The following CYRIA variants were observed in gnomAD, a reference collection of about 807,000 sequenced individuals.
The protein encoded by CYRIA is CYFIP-related Rac1 interactor A.
Under a neutral mutation model 43.9 loss-of-function variants are expected in CYRIA, and 15 were observed. The ratio of observed to expected loss-of-function variants is 0.34; its 90% CI spans 0.23 to 0.53. The LOEUF is 0.53. Among genes scored for constraint, CYRIA ranks in the 20% least tolerant of loss-of-function variants. The pLI is 0.94. For synonymous variants in CYRIA, 117 were observed against 136.0 expected (o/e 0.86, Z 0.97); for missense variants, 236 against 394.2 (o/e 0.60, Z 3.40).
intron 1 of CYRIA, among the ~76,000 whole-genome samples, chr2:16,655,662 C>T (rs1376538605): frequency 1.3e-5 from 2 of 152,198 alleles, no homozygotes; most frequent in African/African-American, 4.8e-5. Context: ...CACGCAGGGG[C>T]TCAGACAGCT....
chr2:16,652,401 A>G (rs1669999337), intron 1 of CYRIA, among the ~76,000 whole-genome samples: 1 of 152,192 alleles, frequency 6.6e-6, no homozygotes, highest in Non-Finnish European at 1.5e-5. Flanking sequence ...CCTGAGCCTC[A>G]CTGGGGCCAA....
intron 1 of CYRIA, among the ~76,000 whole-genome samples, chr2:16,654,546 T>G (rs1239117671): frequency 6.6e-6 from 1 of 152,200 alleles, no homozygotes; most frequent in Non-Finnish European, 1.5e-5. Flanking sequence ...CTGTGTGGTA[T>G]GGAAACGTGT....
chr2:16,608,665 CTAAG>C (rs10538577), intron 2 of CYRIA, among the ~76,000 whole-genome samples: 39,906 of 151,896 alleles, frequency 0.26, 5,629 homozygotes, highest in African/African-American at 0.35. Context: ...AGTATTGTTA[CTAAG>C]TAAGTAAGAT....
chr2:16,564,303 T>G (rs1572459960), intron 4 of CYRIA, among the ~76,000 whole-genome samples: 2 of 152,222 alleles, frequency 1.3e-5, no homozygotes, highest in African/African-American at 4.8e-5. Context: ...GCTCTACAAT[T>G]ACATCCTGTG....
intron 1 of CYRIA, among the ~76,000 whole-genome samples, chr2:16,630,002 C>T (rs1020061838): frequency 1.3e-5 from 2 of 152,178 alleles, no homozygotes; most frequent in Admixed American, 6.5e-5. Context: ...GTGGCCGTGG[C>T]TCAGGCAGTC....
At chr2:16,583,964 T>C (rs920672461) in intron 3 of CYRIA, among the ~76,000 whole-genome samples, 1 of 152,204 alleles carries the variant, frequency 6.6e-6, no homozygotes, top group African/African-American at 2.4e-5. Context: ...CTTAATTATA[T>C]CTGTCTGACC....
chr2:16,605,049 G>T (rs1221314095), intron 2 of CYRIA, among the ~76,000 whole-genome samples: 1 of 152,058 alleles, frequency 6.6e-6, no homozygotes. Flanking sequence ...ATACCATGGT[G>T]TCCCTCAAAA....
chr2:16,586,936 T>C (rs1214426390), intron 3 of CYRIA, among the ~76,000 whole-genome samples: 1 of 152,128 alleles, frequency 6.6e-6, no homozygotes, highest in Non-Finnish European at 1.5e-5. Flanking sequence ...GGAAGAAACA[T>C]GAGCTTAGTT....
chr2:16,561,707 T>C (rs748668698), intron 6 of CYRIA, among the ~76,000 whole-genome samples, 174 bp from the exon 7 acceptor site: 1 of 152,204 alleles, frequency 6.6e-6, no homozygotes, highest in Non-Finnish European at 1.5e-5. Flanking sequence ...TATTTTAAAA[T>C]ATGCCCTGTG....
At chr2:16,615,569 C>G (rs1399975813) in intron 2 of CYRIA, among the ~76,000 whole-genome samples, 1 of 152,200 alleles carries the variant, frequency 6.6e-6, no homozygotes, top group East Asian at 1.9e-4. Flanking sequence ...CTACAACCAA[C>G]ACTGCCTCCA....
chr2:16,611,712 G>A (rs1481770941), intron 2 of CYRIA, among the ~76,000 whole-genome samples: 1 of 152,006 alleles, frequency 6.6e-6, no homozygotes, highest in Non-Finnish European at 1.5e-5. Flanking sequence ...TGTGAAGAAA[G>A]GAGCCCAACG....
At chr2:16,575,665 C>T (rs911500912) in intron 3 of CYRIA, among the ~76,000 whole-genome samples, 3 of 151,944 alleles carry the variant, frequency 2.0e-5, no homozygotes, top group Non-Finnish European at 4.4e-5. Flanking sequence ...ACCATCCTGG[C>T]TAACACGGTG....
chr2:16,573,668 A>C (rs1667221058), intron 3 of CYRIA, among the ~76,000 whole-genome samples: 1 of 152,192 alleles, frequency 6.6e-6, no homozygotes, highest in African/African-American at 2.4e-5. Context: ...ATAATGAATA[A>C]GTCTCATGAG....
chr2:16,559,636 C>T (rs748134455), intron 9 of CYRIA, 50 bp from the exon 10 acceptor site: 22 of 1,588,858 alleles, frequency 1.4e-5, no homozygotes, highest in African/African-American at 5.4e-5. Flanking sequence ...AGAACATGTG[C>T]GTTCTTTGGC....
At chr2:16,599,543 G>A (rs1668125093) in intron 2 of CYRIA, among the ~76,000 whole-genome samples, 1 of 131,796 alleles carries the variant, frequency 7.6e-6, no homozygotes, top group Non-Finnish European at 1.6e-5. Context: ...GGAACTCCCT[G>A]ACCCCTTGCG....
intron 11 of CYRIA, among the ~76,000 whole-genome samples, chr2:16,553,737 A>T (rs1236758194): frequency 6.6e-6 from 1 of 152,108 alleles, no homozygotes; most frequent in Non-Finnish European, 1.5e-5. Context: ...GCTATCTGGA[A>T]AGCCTGTGCT....
Position 16,660,037 on chromosome 2 carries a change from C to T in CYRIA, c.-167+5743G>A, listed in dbSNP as rs147952413. Among the ~76,000 whole-genome samples the T allele has an allele frequency of 1.3e-4, 20 of 152,178 alleles. No homozygotes were observed. In the East Asian group the frequency reaches 3.7e-3, roughly 28 times the overall value. ...TTCTGGGAAGGAAAACAGGGCTTCT[C>T]GCCTCCTTGAGAGGATTCCTTGAAA... On this transcript the variant is annotated intron_variant, in intron 1 of 11. Coordinates refer to ENST00000381323, the MANE Select transcript of CYRIA (RefSeq NM_030797.4).
intron 1 of CYRIA, among the ~76,000 whole-genome samples, chr2:16,655,007 T>C (rs1359084212): frequency 6.6e-6 from 1 of 152,146 alleles, no homozygotes; most frequent in Non-Finnish European, 1.5e-5. Flanking sequence ...ACACAACCTA[T>C]GACCTTACTA....
In CYRIA at chr2:16,552,660, A is replaced by G. The variant is rs7552; in HGVS notation, c.*276T>C. 132,923 of 352,066 alleles carry G rather than the reference A, an allele frequency of 0.38. 30,277 individuals are homozygous for G. Among genetic ancestry groups the G allele is most frequent in the African/African-American group, 0.68 (32,255 of 47,226 alleles). The allele number at this position is 352,066 out of a possible 1,614,324, so 21.8% of individuals were successfully genotyped here. Reference sequence around the variant, plus strand: ...AATTAGGAATTTTTTATCGTTATAGATGTTGTTAAAGGACTCCAGTAGCAA... The same window carrying G: ...AATTAGGAATTTTTTATCGTTATAGGTGTTGTTAAAGGACTCCAGTAGCAA... On this transcript the variant is annotated 3_prime_UTR_variant, in exon 12 of 12. Coordinates refer to ENST00000381323, the MANE Select transcript of CYRIA (RefSeq NM_030797.4).
Sources: allele counts gnomAD v4.1 joint callset (sites outside exome capture counted in the v4.1 genomes callset), GRCh38; gene constraint gnomAD v4.1.1; transcripts MANE v1.5; gene names NCBI Gene and HGNC (gene_info 2026-07-23, HGNC 2026-07-21).